Variants in FAM184A observed in about 807,000 individuals in gnomAD.
FAM184A encodes family with sequence similarity 184 member A.
A neutral mutation model predicts 143.8 loss-of-function variants in FAM184A; 99 were observed. The observed-to-expected ratio is 0.69, with a 90% CI of 0.58 to 0.81. The LOEUF (loss-of-function observed/expected upper bound fraction) is 0.81. Among genes scored for constraint, FAM184A ranks in the 40% least tolerant of loss-of-function variants. The pLI is 0.00. For missense variants in FAM184A, 1,217 were observed against 1,310.5 expected (o/e 0.93, Z 1.10); for synonymous variants, 427 against 446.4 (o/e 0.96, Z 0.55).
chr6:118,980,031 G>A, intron 10 of FAM184A, 107 bp downstream of exon 10: 1 of 805,024 alleles, frequency 1.2e-6, no homozygotes, highest in Non-Finnish European at 2.0e-6. Context: ...CTGGGTGACA[G>A]AGTGAGACCC....
chr6:118,980,056 G>GA (rs564317785), intron 10 of FAM184A, 82 bp downstream of exon 10: 268 of 1,239,528 alleles, frequency 2.2e-4, no homozygotes, highest in South Asian at 4.2e-4. Flanking sequence ...TCAAAAAATA[G>GA]AAAAAAAAAT....
chr6:119,078,452 GACCCCC>G lies in FAM184A; in HGVS notation c.-159_-154del. ...CGGCCGCAGGCGCCGTCCCACCCGCGACCCCCGGGTCACCCCTGGAAGGGACGGGGC... is the reference window on the plus strand; with the variant it reads ...CGGCCGCAGGCGCCGTCCCACCCGCGGGGTCACCCCTGGAAGGGACGGGGC... On this transcript the variant is annotated 5_prime_UTR_variant, in exon 1 of 18. Coordinates refer to ENST00000338891, the MANE Select transcript of FAM184A (RefSeq NM_024581.6). This position sits in a 1 kb window ranked among gnomAD's most constrained non-coding sequence, Gnocchi z 5.5. 2 of 735,752 alleles carry G rather than the reference GACCCCC, an allele frequency of 2.7e-6. No homozygotes were observed. Among genetic ancestry groups the G allele is most frequent in the Non-Finnish European group, 4.0e-6 (2 of 501,568 alleles). The allele number at this position is 735,752 out of a possible 1,614,324, so 45.6% of individuals were successfully genotyped here.
rs547060714 is a variant in FAM184A at position 118,969,159 on chromosome 6, A to G, written c.2916-2207T>C. Among the ~76,000 whole-genome samples the G allele has an allele frequency of 2.1e-4, 32 of 152,286 alleles. No individual in the cohort carries two copies. In the East Asian group the frequency reaches 6.0e-3, roughly 28 times the overall value. ...TTCTTCTTCCTGTCACCATGTGAAT[A>G]AGGATGTGTTTACTTCCCCTTCCGC... On this transcript the variant is annotated intron_variant, in intron 14 of 17. Coordinates refer to ENST00000338891, the MANE Select transcript of FAM184A (RefSeq NM_024581.6).
chr6:118,983,094 T>G (rs1277102576), intron 9 of FAM184A, among the ~76,000 whole-genome samples: 1 of 152,204 alleles, frequency 6.6e-6, no homozygotes, highest in African/African-American at 2.4e-5. Flanking sequence ...AAAATAATAT[T>G]AAGGCCATCG....
intron 3 of FAM184A, among the ~76,000 whole-genome samples, chr6:119,022,039 A>G (rs1357693371): frequency 7.6e-6 from 1 of 131,324 alleles, no homozygotes. Flanking sequence ...AGTGTGCTTC[A>G]TTTTTCGTTC....
At chr6:118,979,258 T>C (rs1394382724) in intron 11 of FAM184A, 107 bp downstream of exon 11, 2 of 1,071,610 alleles carry the variant, frequency 1.9e-6, no homozygotes, top group Middle Eastern at 2.2e-4. Flanking sequence ...GATATTCATT[T>C]TGACGTTTCA....
chr6:119,144,287 T>A (rs559554489), intron 1 of FAM184A, among the ~76,000 whole-genome samples: 2 of 144,030 alleles, frequency 1.4e-5, no homozygotes, highest in Non-Finnish European at 3.0e-5. Context: ...TGAGCTGAGA[T>A]AGTGCCACTG....
chr6:119,109,987 G>A (rs940822917), intron 1 of FAM184A, among the ~76,000 whole-genome samples: 1 of 152,110 alleles, frequency 6.6e-6, no homozygotes, highest in African/African-American at 2.4e-5. Flanking sequence ...TTAACTCATC[G>A]ATGCATCCCA....
At position 118,960,049 on chromosome 6, in the gene FAM184A, A is replaced by G; in HGVS notation, c.*54T>C. On this transcript the variant is annotated 3_prime_UTR_variant, in exon 18 of 18. Coordinates refer to ENST00000338891, the MANE Select transcript of FAM184A (RefSeq NM_024581.6). ...AAAGCCTATTTACATAACAATCTGT[A>G]TAAAGTCATGCTCTTAGTAACAGTC... The G allele has an allele frequency of 1.4e-6, 2 of 1,420,128 alleles. No homozygotes were observed. The highest frequency in any genetic ancestry group is 1.8e-4 in the Middle Eastern group (1 of 5,510). The allele number at this position is 1,420,128 out of a possible 1,614,324, so 88.0% of individuals were successfully genotyped here.
chr6:119,130,730 G>A (rs577044954), intron 1 of FAM184A, among the ~76,000 whole-genome samples: 12 of 152,226 alleles, frequency 7.9e-5, no homozygotes, highest in African/African-American at 2.2e-4. Flanking sequence ...CCCGGTCTTC[G>A]TAACAGGTCT....
At chr6:118,979,759 C>T (rs1783962772) in intron 10 of FAM184A, among the ~76,000 whole-genome samples, 1 of 151,932 alleles carries the variant, frequency 6.6e-6, no homozygotes, top group African/African-American at 2.4e-5. Flanking sequence ...ATATATTGAA[C>T]AGGCTGGGCA....
intron 14 of FAM184A, among the ~76,000 whole-genome samples, chr6:118,967,178 C>A (rs1163382996): frequency 1.3e-5 from 2 of 152,166 alleles, no homozygotes; most frequent in Non-Finnish European, 2.9e-5. Flanking sequence ...CAGGTTACTT[C>A]TGAAGAAGTC....
intron 17 of FAM184A, 107 bp downstream of exon 17, chr6:118,961,654 G>T (rs1307426373): frequency 2.2e-6 from 2 of 899,786 alleles, no homozygotes; most frequent in East Asian, 2.4e-5. Flanking sequence ...ATATTTCATA[G>T]TAATTTTTCT....
At chr6:118,960,538 T>C (rs1783288129) in intron 17 of FAM184A, among the ~76,000 whole-genome samples, 1 of 152,226 alleles carries the variant, frequency 6.6e-6, no homozygotes, top group Non-Finnish European at 1.5e-5. Context: ...TTTTCTCTTT[T>C]AGCTGATCGT....
intron 1 of FAM184A, among the ~76,000 whole-genome samples, chr6:119,088,778 A>T (rs1459017753): frequency 6.6e-6 from 1 of 152,180 alleles, no homozygotes; most frequent in African/African-American, 2.4e-5. Context: ...AAGCAACTGA[A>T]CTCCAATGGA....
intron 1 of FAM184A, among the ~76,000 whole-genome samples, chr6:119,050,578 G>C (rs566488950): frequency 6.6e-6 from 1 of 151,950 alleles, no homozygotes; most frequent in African/African-American, 2.4e-5. Context: ...AGGCTGAGGC[G>C]GGTGGATCAT....
At chr6:119,110,735 A>T (rs1788910633) in intron 1 of FAM184A, among the ~76,000 whole-genome samples, 1 of 152,242 alleles carries the variant, frequency 6.6e-6, no homozygotes, top group South Asian at 2.1e-4. Flanking sequence ...CTGATCCACC[A>T]TTCTTTTATA....
chr6:119,029,706 A>G (rs1785799595), intron 1 of FAM184A, among the ~76,000 whole-genome samples: 1 of 152,214 alleles, frequency 6.6e-6, no homozygotes, highest in Non-Finnish European at 1.5e-5. Flanking sequence ...AACATGGCAA[A>G]TAATTTAAAA....
intron 1 of FAM184A, among the ~76,000 whole-genome samples, chr6:119,141,990 C>G (rs1345642834): frequency 6.6e-6 from 1 of 152,192 alleles, no homozygotes; most frequent in Non-Finnish European, 1.5e-5. Context: ...TTAATTGTAT[C>G]TCTTCTATAA....
Sources: gnomAD v4.1 joint callset for allele counts (sites outside exome capture counted in the v4.1 genomes callset) on GRCh38, gnomAD v4.1.1 for gene constraint, Gnocchi (gnomAD v3.1) non-coding constraint, MANE v1.5 for transcripts, NCBI Gene and HGNC (gene_info 2026-07-23, HGNC 2026-07-21) for gene names.